PRKCB: variants seen among roughly 807,000 people sequenced by gnomAD.
PRKCB encodes protein kinase C beta type.
Under a neutral mutation model 81.5 loss-of-function variants are expected in PRKCB, and 13 were observed. The ratio of observed to expected loss-of-function variants is 0.16; its 90% CI spans 0.10 to 0.25. The LOEUF (loss-of-function observed/expected upper bound fraction) is 0.25. Among genes scored for constraint, PRKCB ranks in the 10% least tolerant of loss-of-function variants. PRKCB has a pLI of 1.00. For missense variants in PRKCB, 509 were observed against 875.7 expected (o/e 0.58, Z 5.29); for synonymous variants, 335 against 321.4 (o/e 1.04, Z -0.45).
At chr16:24,009,236 T>C (rs1416522580) in intron 3 of PRKCB, among the ~76,000 whole-genome samples, 1 of 152,162 alleles carries the variant, frequency 6.6e-6, no homozygotes, top group Non-Finnish European at 1.5e-5. Context: ...CTGAATCATA[T>C]GGTAGTTCTA....
intron 2 of PRKCB, among the ~76,000 whole-genome samples, chr16:23,964,547 G>A (rs941587098): frequency 2.0e-5 from 3 of 152,110 alleles, no homozygotes; most frequent in African/African-American, 7.2e-5. Context: ...TTTATTTATT[G>A]AAAATAATAT....
intron 2 of PRKCB, among the ~76,000 whole-genome samples, chr16:23,894,470 A>G (rs1024767548): frequency 2.0e-4 from 30 of 152,286 alleles, no homozygotes; most frequent in South Asian, 8.3e-4. Flanking sequence ...TGCATTTCCA[A>G]ATTCACTTGA....
intron 2 of PRKCB, among the ~76,000 whole-genome samples, chr16:23,904,995 C>CT (rs1197011079): frequency 2.0e-5 from 3 of 150,610 alleles, no homozygotes; most frequent in African/African-American, 7.3e-5. Context: ...GTTTTCTTCT[C>CT]TTCACTGTTT....
At chr16:23,874,568 CTTTTTTT>C (rs58560122) in intron 2 of PRKCB, among the ~76,000 whole-genome samples, 1 of 133,052 alleles carries the variant, frequency 7.5e-6, no homozygotes, top group Non-Finnish European at 1.6e-5. Flanking sequence ...ATTCTTCTCT[CTTTTTTT>C]TTTTTTTTGT....
At chr16:23,958,189 G>A (rs962013141) in intron 2 of PRKCB, among the ~76,000 whole-genome samples, 4 of 151,768 alleles carry the variant, frequency 2.6e-5, no homozygotes, top group Non-Finnish European at 5.9e-5. Flanking sequence ...ACAGGGTTTC[G>A]CCATGTTGGC....
chr16:23,892,687 C>T (rs992901891), intron 2 of PRKCB, among the ~76,000 whole-genome samples: 1 of 152,106 alleles, frequency 6.6e-6, no homozygotes, highest in Non-Finnish European at 1.5e-5. Context: ...TACCGGTATA[C>T]AGCACTGAAC....
chr16:24,143,108 T>G (rs1002276390), intron 9 of PRKCB, among the ~76,000 whole-genome samples: 13 of 152,138 alleles, frequency 8.5e-5, no homozygotes, highest in African/African-American at 3.1e-4. Flanking sequence ...GGTCTCTTTC[T>G]CTTATTTTAT....
chr16:24,001,933 T>C (rs910274713), intron 3 of PRKCB, among the ~76,000 whole-genome samples: 1 of 152,212 alleles, frequency 6.6e-6, no homozygotes, highest in African/African-American at 2.4e-5. Context: ...CTCCAGTACT[T>C]GCAAGATACT....
intron 2 of PRKCB, among the ~76,000 whole-genome samples, chr16:23,927,152 G>T (rs1963908736): frequency 6.6e-6 from 1 of 152,024 alleles, no homozygotes; most frequent in South Asian, 2.1e-4. Context: ...AGAGTTGGGT[G>T]CTTAATTGAA....
At chr16:23,855,791 C>T (rs1019870010) in intron 2 of PRKCB, among the ~76,000 whole-genome samples, 1 of 152,174 alleles carries the variant, frequency 6.6e-6, no homozygotes, top group Admixed American at 6.5e-5. Context: ...TGGGACAAGC[C>T]AATGCATCAA....
chr16:23,957,001 A>AAAG (rs1964358465), intron 2 of PRKCB, among the ~76,000 whole-genome samples: 2 of 151,102 alleles, frequency 1.3e-5, no homozygotes, highest in Non-Finnish European at 3.0e-5. Flanking sequence ...AAAAAAAAAA[A>AAAG]AAAAAGAATA....
chr16:24,161,147 A>T (rs1453084702), intron 10 of PRKCB, among the ~76,000 whole-genome samples: 2 of 152,234 alleles, frequency 1.3e-5, no homozygotes, highest in African/African-American at 2.4e-5. Flanking sequence ...AATACTGGAT[A>T]AAAGTGAAAG....
At chr16:24,133,554 A>G (rs1292980172) in intron 9 of PRKCB, among the ~76,000 whole-genome samples, 1 of 151,446 alleles carries the variant, frequency 6.6e-6, no homozygotes, top group Non-Finnish European at 1.5e-5. Context: ...TCAACCTTCA[A>G]CCTCCATTTT....
At chr16:23,868,399 T>TAAATA (rs1241483095) in intron 2 of PRKCB, among the ~76,000 whole-genome samples, 3 of 152,240 alleles carry the variant, frequency 2.0e-5, no homozygotes, top group African/African-American at 7.2e-5. Context: ...CTCTGGGACA[T>TAAATA]GTACTGGCAT....
At chr16:24,147,222 G>A (rs962202822) in intron 9 of PRKCB, among the ~76,000 whole-genome samples, 13 of 151,402 alleles carry the variant, frequency 8.6e-5, no homozygotes, top group African/African-American at 3.2e-4. Flanking sequence ...GCAGGAGAAT[G>A]GAGTGAACTC....
intron 3 of PRKCB, among the ~76,000 whole-genome samples, chr16:23,996,663 T>C (rs1964961153): frequency 6.6e-6 from 1 of 152,352 alleles, no homozygotes; most frequent in African/African-American, 2.4e-5. Flanking sequence ...TTCACTGTTA[T>C]GAAATTCCAC....
intron 9 of PRKCB, among the ~76,000 whole-genome samples, chr16:24,134,250 C>T (rs1056978844): frequency 3.9e-5 from 6 of 152,070 alleles, no homozygotes; most frequent in African/African-American, 1.4e-4. Context: ...CCTTCCTTCC[C>T]TTTCTCTCTT....
intron 9 of PRKCB, among the ~76,000 whole-genome samples, chr16:24,124,497 G>A (rs954559457): frequency 2.6e-5 from 4 of 152,118 alleles, no homozygotes; most frequent in Non-Finnish European, 4.4e-5. Context: ...TGACACGATC[G>A]GATTTGCCTT....
intron 16 of PRKCB, among the ~76,000 whole-genome samples, chr16:24,192,262 G>A (rs1021580407): frequency 1.3e-5 from 2 of 152,218 alleles, no homozygotes; most frequent in African/African-American, 4.8e-5. Context: ...TACAGAGGAG[G>A]CACTCACAGA....
Sources: allele counts gnomAD v4.1 joint callset (sites outside exome capture counted in the v4.1 genomes callset), GRCh38; gene constraint gnomAD v4.1.1; transcripts MANE v1.5; gene names NCBI Gene and HGNC (gene_info 2026-07-23, HGNC 2026-07-21).